CELF2: variants seen among roughly 807,000 people sequenced by gnomAD.
CELF2 encodes CUG triplet repeat RNA-binding protein 2.
Under a neutral mutation model 62.6 loss-of-function variants are expected in CELF2, and 8 were observed. The observed-to-expected ratio is 0.13, with a 90% CI of 0.07 to 0.23. CELF2 has a LOEUF of 0.23. Among genes scored for constraint, CELF2 ranks in the 10% least tolerant of loss-of-function variants. The pLI, the probability that CELF2 is intolerant of heterozygous loss-of-function variation, is 1.00. For synonymous variants in CELF2, 258 were observed against 250.0 expected (o/e 1.03, Z -0.30); for missense variants, 333 against 671.0 (o/e 0.50, Z 5.56).
chr10:10,975,516 C>T (rs1285013200), intron 2 of CELF2, among the ~76,000 whole-genome samples: 1 of 152,200 alleles, frequency 6.6e-6, no homozygotes, highest in Non-Finnish European at 1.5e-5. Flanking sequence ...AATGTCAGGT[C>T]CACAAACTGA....
the CELF2 span, among the ~76,000 whole-genome samples, chr10:10,669,899 CTTTT>C: frequency 5.7e-4 from 48 of 84,186 alleles, no homozygotes; most frequent in African/African-American, 2.0e-3. Context: ...TCTTATATGC[CTTTT>C]TTTTTTTTTT....
intron 12 of CELF2, among the ~76,000 whole-genome samples, chr10:11,327,282 T>C (rs2095799893): frequency 1.3e-5 from 2 of 152,184 alleles, no homozygotes; most frequent in African/African-American, 4.8e-5. Flanking sequence ...ACTTTTGTGT[T>C]TTTCGTAGCT....
At chr10:10,526,912 C>G in the CELF2 span, among the ~76,000 whole-genome samples, 2 of 152,178 alleles carry the variant, frequency 1.3e-5, no homozygotes, top group African/African-American at 4.8e-5. Flanking sequence ...GAAGTCCTAC[C>G]CTTGGACCAC....
chr10:10,905,476 C>T (rs2134200269), intron 1 of CELF2, among the ~76,000 whole-genome samples: 1 of 152,182 alleles, frequency 6.6e-6, no homozygotes, highest in African/African-American at 2.4e-5. Context: ...GGCATGGTGG[C>T]TCACGCCCGT....
At chr10:11,032,585 C>T (rs779019518) in intron 1 of CELF2, among the ~76,000 whole-genome samples, 1 of 152,078 alleles carries the variant, frequency 6.6e-6, no homozygotes, top group South Asian at 2.1e-4. Context: ...ATGATGGCAT[C>T]GTTGTTTTGT....
At chr10:10,486,774 T>C in the CELF2 span, among the ~76,000 whole-genome samples, 9 of 152,090 alleles carry the variant, frequency 5.9e-5, no homozygotes, top group Non-Finnish European at 4.4e-5. Flanking sequence ...AGATAAACAT[T>C]CTTGGGTTTG....
At chr10:10,594,978 G>C in the CELF2 span, among the ~76,000 whole-genome samples, 1 of 152,322 alleles carries the variant, frequency 6.6e-6, no homozygotes, top group African/African-American at 2.4e-5. Context: ...TCCAGAGGGT[G>C]GGCTGGTTGC....
chr10:11,274,752 CAG>C (rs1008088628), intron 7 of CELF2, among the ~76,000 whole-genome samples: 3 of 152,186 alleles, frequency 2.0e-5, no homozygotes, highest in African/African-American at 7.2e-5. Flanking sequence ...TGCTAGACTA[CAG>C]AGAGAGATAA....
Position 10,936,480 on chromosome 10 carries a change from C to G in CELF2, c.89+16481C>G, listed in dbSNP as rs2146554. Reference sequence around the variant, plus strand: ...TAGGCTGAAGATCAGACAGTGGAAACTAAGTCCTCATGACCACACTGTGTG... The same window carrying G: ...TAGGCTGAAGATCAGACAGTGGAAAGTAAGTCCTCATGACCACACTGTGTG... On this transcript the variant is annotated intron_variant, in intron 2 of 13. Coordinates refer to the CELF2 transcript ENST00000636488. The surrounding 1 kb of genome is among the most constrained non-coding windows in gnomAD (Gnocchi z 4.0). 0.47 allele frequency: 71,164 copies of G among 152,032 alleles called. 18,944 individuals carry two copies. The highest frequency in any genetic ancestry group is 0.74 in the East Asian group (3,784 of 5,146). The allele number at this position is 152,032 out of a possible 1,614,324, so 9.4% of individuals were successfully genotyped here.
the CELF2 span, among the ~76,000 whole-genome samples, chr10:10,730,633 G>C: frequency 6.6e-6 from 1 of 152,334 alleles, no homozygotes; most frequent in South Asian, 2.1e-4. Flanking sequence ...TAAAATATTT[G>C]CCACGTGAAA....
intron 1 of CELF2, among the ~76,000 whole-genome samples, chr10:11,138,392 C>A (rs2060777230): frequency 6.6e-6 from 1 of 152,200 alleles, no homozygotes; most frequent in South Asian, 2.1e-4. Context: ...ACTGTCCCAG[C>A]CTTCGGTTGC....
At chr10:10,680,479 C>A in the CELF2 span, among the ~76,000 whole-genome samples, 1 of 152,180 alleles carries the variant, frequency 6.6e-6, no homozygotes, top group Admixed American at 6.5e-5. Flanking sequence ...GTTTTGCAGA[C>A]AGTGCTTTCT....
the CELF2 span, among the ~76,000 whole-genome samples, chr10:10,479,504 T>C: frequency 6.6e-6 from 1 of 152,172 alleles, no homozygotes; most frequent in East Asian, 1.9e-4. Context: ...GAAGTTATGA[T>C]GGAAACGCGA....
the CELF2 span, among the ~76,000 whole-genome samples, chr10:10,665,836 G>A: frequency 1.3e-5 from 2 of 152,116 alleles, no homozygotes; most frequent in East Asian, 1.9e-4. Flanking sequence ...GTAGAAGAAG[G>A]GCATAATGTT....
At chr10:10,781,157 C>A in the CELF2 span, among the ~76,000 whole-genome samples, 300 of 152,278 alleles carry the variant, frequency 2.0e-3, 1 homozygote, top group Admixed American at 3.1e-3. Context: ...TACAGTCTTG[C>A]ACCACATAAT....
chr10:10,987,868 C>A (rs1333615357), intron 2 of CELF2, among the ~76,000 whole-genome samples: 1 of 152,136 alleles, frequency 6.6e-6, no homozygotes, highest in African/African-American at 2.4e-5. Context: ...ACATGCTCAA[C>A]ATCACTGATT....
the CELF2 span, among the ~76,000 whole-genome samples, chr10:10,740,153 C>T: frequency 5.7e-4 from 54 of 94,434 alleles, no homozygotes; most frequent in Middle Eastern, 0.012. Context: ...GTTGCCTGTG[C>T]TTTTTTTTTT....
intron 2 of CELF2, among the ~76,000 whole-genome samples, chr10:10,930,295 G>A (rs1180149783): frequency 6.6e-6 from 1 of 152,162 alleles, no homozygotes; most frequent in Non-Finnish European, 1.5e-5. Flanking sequence ...CAGAGATTTT[G>A]ATACCCTATT....
intron 2 of CELF2, among the ~76,000 whole-genome samples, chr10:11,172,968 C>T (rs546642958): frequency 6.6e-6 from 1 of 152,348 alleles, no homozygotes; most frequent in South Asian, 2.1e-4. Context: ...TTCTAGGCTT[C>T]TGTTTCAATC....
Sources: allele counts gnomAD v4.1 joint callset (sites outside exome capture counted in the v4.1 genomes callset), GRCh38; gene constraint gnomAD v4.1.1; non-coding constraint Gnocchi (gnomAD v3.1); transcripts MANE v1.5; gene names NCBI Gene and HGNC (gene_info 2026-07-23, HGNC 2026-07-21).